Variants in DIP2C observed in about 807,000 individuals in gnomAD.
DIP2C encodes the protein DIP2 acetate--CoA ligase C (putative).
In DIP2C, 33 loss-of-function variants were observed where a neutral mutation model predicts 192.4. The ratio of observed to expected loss-of-function variants is 0.17; its 90% confidence interval spans 0.13 to 0.23. The LOEUF is 0.23. DIP2C is among the 10% of genes least tolerant of loss of function. The probability of loss-of-function intolerance (pLI) is 1.00; values close to 1 mark genes in which losing one functional copy is unlikely to be tolerated. For missense variants in DIP2C, 1,537 were observed against 2,110.1 expected, an observed-to-expected ratio of 0.73 and a Z score of 5.32; for synonymous variants, 979 against 864.1, an observed-to-expected ratio of 1.13 and a Z score of -2.33.
In DIP2C at chr10:453,717, A is replaced by C. The variant is rs115471767; in HGVS notation, c.269-12721T>G. Among the ~76,000 whole-genome samples, 836 of 152,328 alleles carry C rather than the reference A, an allele frequency of 5.5e-3. 5 individuals are homozygous for C. The highest frequency in any genetic ancestry group is 0.018 in the African/African-American group (753 of 41,578). On this transcript the variant is annotated intron_variant, in intron 3 of 36. Coordinates refer to ENST00000280886, the MANE Select transcript of DIP2C (RefSeq NM_014974.3). ...ATGCATAAATACTGAATGAGAAAGG[A>C]ATGAGGGAATGTAACAGGTACAGCT...
chr10:491,553 G>T (rs185447702), intron 1 of DIP2C, among the ~76,000 whole-genome samples: 1 of 152,308 alleles, frequency 6.6e-6, no homozygotes, highest in African/African-American at 2.4e-5. Context: ...ACAGGGGCAG[G>T]AGGACCTGGG....
intron 1 of DIP2C, among the ~76,000 whole-genome samples, chr10:603,763 C>G (rs74115074): frequency 3.1e-4 from 47 of 152,228 alleles, no homozygotes; most frequent in African/African-American, 1.1e-3. Flanking sequence ...TTACCACACA[C>G]GCAGACCTCC....
chr10:542,693 C>G (rs1191424466), intron 1 of DIP2C, among the ~76,000 whole-genome samples: 1 of 151,936 alleles, frequency 6.6e-6, no homozygotes, highest in African/African-American at 2.4e-5. Flanking sequence ...GGTTCTGACC[C>G]TGTCCCTCTC....
At chr10:306,962 G>A (rs766526322) in intron 32 of DIP2C, among the ~76,000 whole-genome samples, 3 of 152,230 alleles carry the variant, frequency 2.0e-5, no homozygotes, top group Non-Finnish European at 4.4e-5. Flanking sequence ...AGGCAGATCC[G>A]TCATGATAGA....
rs779385971 is a variant in DIP2C at position 419,212 on chromosome 10, ACAT to A, written c.605-16_605-14del. 6 of 1,614,010 alleles carry A rather than the reference ACAT, an allele frequency of 3.7e-6. No individual in the cohort carries two copies. In the Admixed American group the frequency reaches 5.0e-5, roughly 13 times the overall value. On this transcript the variant is annotated splice_polypyrimidine_tract_variant and intron_variant, in intron 5 of 36. Transcript: ENST00000280886. ...GCAGAATGATTTTCTGTAAAGAAAC[ACAT>A]CATGAGATTTTCTGGTGGTTGTGAT...
At chr10:318,808 G>A (rs1427426174) in intron 31 of DIP2C, among the ~76,000 whole-genome samples, 1 of 152,068 alleles carries the variant, frequency 6.6e-6, no homozygotes, top group Non-Finnish European at 1.5e-5. Context: ...CAGTGTAGGG[G>A]GACAAGGAAA....
At chr10:387,621 G>C (rs1963075150) in intron 14 of DIP2C, 124 bp downstream of exon 14, 1 of 832,102 alleles carries the variant, frequency 1.2e-6, no homozygotes, top group South Asian at 1.4e-5. Flanking sequence ...TGTGTGGACA[G>C]ACAGTGTGGG....
At chr10:409,882 A>G (rs907950589) in intron 8 of DIP2C, among the ~76,000 whole-genome samples, 1 of 152,244 alleles carries the variant, frequency 6.6e-6, no homozygotes, top group Non-Finnish European at 1.5e-5. Flanking sequence ...GTTCTTAAAT[A>G]CACAATGGCC....
intron 2 of DIP2C, among the ~76,000 whole-genome samples, chr10:472,983 T>C (rs892524747): frequency 6.6e-6 from 1 of 152,194 alleles, no homozygotes; most frequent in Non-Finnish European, 1.5e-5. Flanking sequence ...TTAAAATAAA[T>C]CTTAGATAAT....
At chr10:421,520 C>CA (rs112436209) in intron 5 of DIP2C, among the ~76,000 whole-genome samples, 2,391 of 150,590 alleles carry the variant, frequency 0.016, 73 homozygotes, top group African/African-American at 0.055. Flanking sequence ...AATTTTATTA[C>CA]AAAAAAAAAT....
intron 1 of DIP2C, among the ~76,000 whole-genome samples, chr10:561,409 T>C (rs181449151): frequency 1.3e-5 from 2 of 152,284 alleles, no homozygotes; most frequent in East Asian, 3.9e-4. Flanking sequence ...AGCTCTCCCA[T>C]GTCCCAAGGC....
At chr10:549,322 C>T (rs1007728305) in intron 1 of DIP2C, among the ~76,000 whole-genome samples, 2 of 152,150 alleles carry the variant, frequency 1.3e-5, no homozygotes, top group African/African-American at 4.8e-5. Flanking sequence ...TAACACACAG[C>T]ACCCTTTGGA....
At chr10:548,911 C>CAGAAAAA (rs1848446937) in intron 1 of DIP2C, among the ~76,000 whole-genome samples, 1 of 26,462 alleles carries the variant, frequency 3.8e-5, no homozygotes, top group Non-Finnish European at 7.5e-5. Flanking sequence ...TAGCAGCTCA[C>CAGAAAAA]AAAAAAAAAA....
intron 1 of DIP2C, among the ~76,000 whole-genome samples, chr10:535,135 G>C (rs1344540203): frequency 6.6e-6 from 1 of 152,082 alleles, no homozygotes; most frequent in Non-Finnish European, 1.5e-5. Context: ...TGCTGGATCA[G>C]AGCATCTCTC....
At chr10:456,378 ACT>A (rs1438670811) in intron 3 of DIP2C, among the ~76,000 whole-genome samples, 1 of 135,618 alleles carries the variant, frequency 7.4e-6, no homozygotes, top group East Asian at 2.1e-4. Context: ...AGATGAGAAC[ACT>A]CTGCAGTGAG....
intron 36 of DIP2C, among the ~76,000 whole-genome samples, chr10:278,314 G>A (rs1483122131): frequency 1.3e-5 from 2 of 152,272 alleles, no homozygotes; most frequent in African/African-American, 4.8e-5. Flanking sequence ...CTGAGTGGGG[G>A]TGTGTTTCCC....
At chr10:306,743 G>A (rs1956342670) in intron 32 of DIP2C, among the ~76,000 whole-genome samples, 1 of 152,236 alleles carries the variant, frequency 6.6e-6, no homozygotes. Flanking sequence ...GATCAGAAGA[G>A]GTGAGTCCTC....
At chr10:506,108 A>G (rs931843622) in intron 1 of DIP2C, among the ~76,000 whole-genome samples, 8 of 152,166 alleles carry the variant, frequency 5.3e-5, no homozygotes, top group Non-Finnish European at 1.2e-4. Flanking sequence ...ACCACCTCAC[A>G]CTGCATGGCA....
At position 441,004 on chromosome 10, in the gene DIP2C, G is replaced by A. The variant is rs377580916; in HGVS notation, c.269-8C>T. 2.1e-5 allele frequency: 34 copies of A among 1,610,258 alleles called. No homozygotes were observed. Among genetic ancestry groups the A allele is most frequent in the East Asian group, 4.5e-5 (2 of 44,874 alleles). On this transcript the variant is annotated splice_polypyrimidine_tract_variant and splice_region_variant and intron_variant, in intron 3 of 36. Transcript: ENST00000280886. The stretch of plus-strand genomic sequence containing the variant: ...CAGCTTCCGTGTGGACGTCTGAAAC[G>A]GAGAGAGCTCAGTCACTCAGTGCTC...
Sources: allele counts gnomAD v4.1 joint callset (sites outside exome capture counted in the v4.1 genomes callset), GRCh38; gene constraint gnomAD v4.1.1; transcripts MANE v1.5; gene names NCBI Gene and HGNC (gene_info 2026-07-23, HGNC 2026-07-21).